Variants in FBXW7 observed in about 807,000 individuals in gnomAD.
FBXW7 encodes the protein F-box/WD repeat-containing protein 7.
FBXW7 carries 11 observed loss-of-function variants against 86.3 expected under a neutral mutation model. The observed-to-expected ratio is 0.13, with a 90% CI of 0.08 to 0.21. The LOEUF is 0.21. Ranked by LOEUF, FBXW7 falls within the 10% of genes least tolerant of loss-of-function variation. FBXW7 has a pLI of 1.00. For missense variants in FBXW7, 488 were observed against 847.4 expected, an observed-to-expected ratio of 0.58 and a Z score of 5.27; for synonymous variants, 313 against 297.9, an observed-to-expected ratio of 1.05 and a Z score of -0.52.
At chr4:152,473,685 T>C (rs772729239) in intron 2 of FBXW7, among the ~76,000 whole-genome samples, 4 of 152,158 alleles carry the variant, frequency 2.6e-5, no homozygotes, top group Non-Finnish European at 4.4e-5. Flanking sequence ...GGTCTTGTTA[T>C]GTTGCCCAGG....
intron 2 of FBXW7, among the ~76,000 whole-genome samples, chr4:152,451,122 T>C (rs1741873266): frequency 6.6e-6 from 1 of 152,218 alleles, no homozygotes; most frequent in African/African-American, 2.4e-5. Context: ...AAAAGAAGCA[T>C]AATATTGTTT....
intron 4 of FBXW7, among the ~76,000 whole-genome samples, chr4:152,368,886 GA>G (rs1259357726): frequency 6.6e-6 from 1 of 152,118 alleles, no homozygotes; most frequent in African/African-American, 2.4e-5. Flanking sequence ...TTCATGTAGG[GA>G]GACATAATGG....
intron 4 of FBXW7, among the ~76,000 whole-genome samples, chr4:152,358,029 T>C (rs527248397): frequency 4.8e-4 from 73 of 152,140 alleles, no homozygotes; most frequent in African/African-American, 1.7e-3. Context: ...CACCCTGGAG[T>C]TTACTGATTT....
chr4:152,474,125 A>T (rs1428830763), intron 2 of FBXW7, among the ~76,000 whole-genome samples: 1 of 152,228 alleles, frequency 6.6e-6, no homozygotes, highest in Non-Finnish European at 1.5e-5. Flanking sequence ...GAATCAGATA[A>T]AGGCTTATTA....
At chr4:152,455,239 A>C (rs947126752) in intron 2 of FBXW7, among the ~76,000 whole-genome samples, 1 of 152,230 alleles carries the variant, frequency 6.6e-6, no homozygotes, top group Non-Finnish European at 1.5e-5. Flanking sequence ...TGTATAAATG[A>C]TTGCTGCTAT....
At chr4:152,357,905 T>G (rs555417837) in intron 4 of FBXW7, among the ~76,000 whole-genome samples, 1 of 152,182 alleles carries the variant, frequency 6.6e-6, no homozygotes, top group Non-Finnish European at 1.5e-5. Flanking sequence ...TTTTATTCGC[T>G]CCTCTAAAAT....
chr4:152,502,872 A>G (rs1341221187), intron 2 of FBXW7, among the ~76,000 whole-genome samples: 1 of 152,234 alleles, frequency 6.6e-6, no homozygotes. Context: ...AGTGAATTTT[A>G]TAAGAACTTT....
intron 2 of FBXW7, among the ~76,000 whole-genome samples, chr4:152,449,367 G>T (rs944572260): frequency 4.6e-5 from 7 of 152,214 alleles, no homozygotes; most frequent in Admixed American, 4.6e-4. Flanking sequence ...ACTGATGGAA[G>T]AGGGTAGGAG....
Position 152,411,850 on chromosome 4 carries a change from G to T in FBXW7, c.-47C>A, listed in dbSNP as rs1317229591. ...TTCTTGGACCTTGGCTAGACTATCA[G>T]AAGATGCAAAGGTTTTCACATTCTG... On this transcript the variant is annotated 5_prime_UTR_variant, in exon 4 of 14. In the 5' UTR this introduces an upstream ATG that the reference lacks. Transcript: ENST00000281708. 2 of 1,525,574 alleles carry T rather than the reference G, an allele frequency of 1.3e-6. No individual in the cohort carries two copies. Among genetic ancestry groups the T allele is most frequent in the African/African-American group, 2.8e-5 (2 of 71,910 alleles). The allele number at this position is 1,525,574 out of a possible 1,614,324, so 94.5% of individuals were successfully genotyped here. A position where few individuals can be genotyped will look rare whatever the true frequency, so the allele number is the denominator to read the frequency against.
chr4:152,439,984 T>C (rs1360431836), intron 2 of FBXW7, among the ~76,000 whole-genome samples: 1 of 152,218 alleles, frequency 6.6e-6, no homozygotes, highest in African/African-American at 2.4e-5. Flanking sequence ...TTAAATTTTA[T>C]TGCTACTAAA....
chr4:152,529,411 A>G lies in FBXW7; in HGVS notation c.-120+5530T>C, dbSNP rs188416709. Among the ~76,000 whole-genome samples, 889 of 152,332 alleles carry G rather than the reference A, an allele frequency of 5.8e-3. 7 individuals are homozygous for G. The highest frequency in any genetic ancestry group is 0.02 in the African/African-American group (837 of 41,572). On this transcript the variant is annotated intron_variant, in intron 2 of 13. Coordinates refer to ENST00000281708, the MANE Select transcript of FBXW7 (RefSeq NM_001349798.2). Reference sequence around the variant, plus strand: ...TTGTTAGTTCAATTTAAGTAACAATATGTAGAAATACTACATATAAACTAA... The same window carrying G: ...TTGTTAGTTCAATTTAAGTAACAATGTGTAGAAATACTACATATAAACTAA...
At chr4:152,508,620 T>C (rs1409803260) in intron 2 of FBXW7, among the ~76,000 whole-genome samples, 3 of 149,668 alleles carry the variant, frequency 2.0e-5, no homozygotes, top group Non-Finnish European at 4.4e-5. Context: ...GCCCAGGAGA[T>C]TGAGGCTTGC....
At chr4:152,454,477 ATAGCATCAGAC>A (rs1395239755) in intron 2 of FBXW7, among the ~76,000 whole-genome samples, 3 of 152,158 alleles carry the variant, frequency 2.0e-5, no homozygotes, top group Non-Finnish European at 4.4e-5. Context: ...TACTAGCAAT[ATAGCATCAGAC>A]ATAGGAGCTC....
At chr4:152,494,679 A>G (rs1008759092) in intron 2 of FBXW7, among the ~76,000 whole-genome samples, 5 of 152,122 alleles carry the variant, frequency 3.3e-5, no homozygotes, top group Admixed American at 2.6e-4. Flanking sequence ...AGGATGCTAA[A>G]ATGTTTGAGA....
intron 2 of FBXW7, among the ~76,000 whole-genome samples, chr4:152,419,026 A>C (rs1174188302): frequency 1.3e-5 from 2 of 152,212 alleles, no homozygotes; most frequent in African/African-American, 4.8e-5. Flanking sequence ...TAGCAGGCAT[A>C]CAATTGAGCC....
chr4:152,338,028 G>C lies in FBXW7; in HGVS notation c.727-92C>G, dbSNP rs1730335850. Reference sequence around the variant, plus strand: ...AAACTCACATCTACACACAACCATAGTTGATCAGGGTAGAACTGTATAAAA... The same window carrying C: ...AAACTCACATCTACACACAACCATACTTGATCAGGGTAGAACTGTATAAAA... On this transcript the variant is annotated intron_variant, in intron 6 of 13. Coordinates refer to ENST00000281708, the MANE Select transcript of FBXW7 (RefSeq NM_001349798.2). The C allele has an allele frequency of 2.3e-6, 3 of 1,319,730 alleles. No individual in the cohort carries two copies. In the East Asian group the frequency reaches 7.1e-5, roughly 31 times the overall value. The allele number at this position is 1,319,730 out of a possible 1,614,324, so 81.8% of individuals were successfully genotyped here. A position where few individuals can be genotyped will look rare whatever the true frequency, so the allele number is the denominator to read the frequency against.
At chr4:152,433,704 A>G (rs78900830) in intron 2 of FBXW7, among the ~76,000 whole-genome samples, 2,083 of 152,262 alleles carry the variant, frequency 0.014, 26 homozygotes, top group Middle Eastern at 0.037. Context: ...CAGTCACAGG[A>G]TTTTTTCCAG....
intron 2 of FBXW7, among the ~76,000 whole-genome samples, chr4:152,506,786 G>T (rs1747463765): frequency 6.6e-6 from 1 of 152,210 alleles, no homozygotes; most frequent in South Asian, 2.1e-4. Context: ...CTGCAATTAG[G>T]TGGATCCTGA....
intron 2 of FBXW7, among the ~76,000 whole-genome samples, chr4:152,442,331 G>A (rs916815060): frequency 2.6e-5 from 4 of 152,152 alleles, no homozygotes; most frequent in Non-Finnish European, 5.9e-5. Context: ...TCCTAGGCTG[G>A]TAGCAAAAAC....
Sources: allele counts gnomAD v4.1 joint callset (sites outside exome capture counted in the v4.1 genomes callset), GRCh38; gene constraint gnomAD v4.1.1; transcripts MANE v1.5; gene names NCBI Gene and HGNC (gene_info 2026-07-23, HGNC 2026-07-21).